The following RNF6 variants were observed in gnomAD, a reference collection of about 807,000 sequenced individuals.
RNF6 encodes ring finger protein 6, also known as E3 ubiquitin-protein ligase RNF6.
RNF6 carries 21 observed loss-of-function variants against 50.1 expected under a neutral mutation model. That is an observed-to-expected ratio of 0.42 (90% confidence interval 0.30 to 0.60). RNF6 has a LOEUF of 0.60. RNF6 is among the 20% of genes least tolerant of loss of function. The pLI is 0.20. For synonymous variants in RNF6, 255 were observed against 291.8 expected, an observed-to-expected ratio of 0.87 and a Z score of 1.29; for missense variants, 698 against 838.2, an observed-to-expected ratio of 0.83 and a Z score of 2.07.
chr13:26,218,351 T>C (rs1870107975), intron 4 of RNF6, among the ~76,000 whole-genome samples, 160 bp downstream of exon 4: 1 of 152,224 alleles, frequency 6.6e-6, no homozygotes, highest in Admixed American at 6.5e-5. Flanking sequence ...CCTATACTGC[T>C]TAACCATACT....
chr13:26,172,910 A>G (rs555082727), intron 5 of RNF6, among the ~76,000 whole-genome samples: 25 of 152,308 alleles, frequency 1.6e-4, no homozygotes, highest in African/African-American at 6.0e-4. Flanking sequence ...TACCCAGACT[A>G]TGTAAAAAAC....
At chr13:26,196,372 CG>C (rs1868663316) in intron 5 of RNF6, among the ~76,000 whole-genome samples, 1 of 152,022 alleles carries the variant, frequency 6.6e-6, no homozygotes, top group South Asian at 2.1e-4. Context: ...ATTTTCAGGC[CG>C]GGTGTGGTGG....
At chr13:26,171,840 C>T (rs941230963) in intron 5 of RNF6, among the ~76,000 whole-genome samples, 2 of 152,176 alleles carry the variant, frequency 1.3e-5, no homozygotes, top group Admixed American at 1.3e-4. Flanking sequence ...ATATGGAGTA[C>T]TTAGACTAGT....
At chr13:26,136,485 C>T (rs1419810491) in intron 5 of RNF6, among the ~76,000 whole-genome samples, 1 of 152,144 alleles carries the variant, frequency 6.6e-6, no homozygotes, top group Admixed American at 6.5e-5. Context: ...GGGATCAAGG[C>T]ACTGAATTAA....
chr13:26,211,152 G>T (rs1016308135), downstream of RNF6, among the ~76,000 whole-genome samples: 1 of 152,180 alleles, frequency 6.6e-6, no homozygotes, highest in East Asian at 1.9e-4. Context: ...ATTGGGAAAT[G>T]AATGAAAATA....
intron 3 of RNF6, 148 bp from the exon 4 acceptor site, chr13:26,218,754 T>C (rs1870161775): frequency 3.5e-6 from 2 of 575,252 alleles, no homozygotes; most frequent in Non-Finnish European, 6.1e-6. Flanking sequence ...GTTAAAAATA[T>C]TCAACTGGTA....
At chr13:26,191,015 T>C (rs4770950) in intron 5 of RNF6, among the ~76,000 whole-genome samples, 76,118 of 152,032 alleles carry the variant, frequency 0.5, 22,504 homozygotes, top group East Asian at 0.7. Context: ...ATCATCCAGC[T>C]CCAGTGTTCA....
chr13:26,142,107 A>G (rs1001390419), intron 5 of RNF6, among the ~76,000 whole-genome samples: 1 of 152,178 alleles, frequency 6.6e-6, no homozygotes, highest in South Asian at 2.1e-4. Flanking sequence ...ACAAAGAAGC[A>G]GTCACCAAAC....
intron 5 of RNF6, among the ~76,000 whole-genome samples, chr13:26,144,702 C>T (rs748553500): frequency 2.6e-5 from 4 of 152,176 alleles, no homozygotes; most frequent in Non-Finnish European, 4.4e-5. Context: ...CAGAACTATC[C>T]GTAAACTGTC....
chr13:26,193,353 G>A (rs1281313651), intron 5 of RNF6, among the ~76,000 whole-genome samples: 1 of 152,176 alleles, frequency 6.6e-6, no homozygotes, highest in Non-Finnish European at 1.5e-5. Context: ...CAGTAATACG[G>A]AAGGAAAGCC....
At chr13:26,201,635 C>T (rs779219531) in intron 5 of RNF6, among the ~76,000 whole-genome samples, 10 of 152,140 alleles carry the variant, frequency 6.6e-5, no homozygotes, top group Non-Finnish European at 1.2e-4. Flanking sequence ...AGAGGAATGG[C>T]TTATTTAAGC....
intron 5 of RNF6, among the ~76,000 whole-genome samples, chr13:26,165,187 A>G (rs1872389750): frequency 1.3e-5 from 2 of 152,208 alleles, no homozygotes; most frequent in Non-Finnish European, 2.9e-5. Context: ...AACTTGGGAC[A>G]TGGCTTCAGA....
chr13:26,148,801 T>C (rs1871402981), intron 5 of RNF6, among the ~76,000 whole-genome samples: 1 of 150,802 alleles, frequency 6.6e-6, no homozygotes, highest in African/African-American at 2.4e-5. Flanking sequence ...GTTGACAAGC[T>C]GGAAACTCAG....
chr13:26,213,846 G>A lies in RNF6; in HGVS notation c.2036C>T (p.Ser679Phe). 1.2e-6 allele frequency: 2 copies of A among 1,611,602 alleles called. No homozygotes were observed. The highest frequency in any genetic ancestry group is 1.7e-6 in the Non-Finnish European group (2 of 1,178,340). The change falls in exon 5 of 5, where the codon TCT (serine) becomes TTT (phenylalanine). Residue 679 changes from serine to phenylalanine, a missense_variant. Ser to Phe is a radical substitution (Grantham distance 155, BLOSUM62 -2). Coordinates refer to ENST00000381588, the MANE Select transcript of RNF6 (RefSeq NM_005977.4). ...CPICRQPVLGSNIANNG is the reference protein window; with the variant it reads ...CPICRQPVLGFNIANNG ...ACCTTACCCATTGTTTGCTATGTTAGACCCTAAAACAGGCTGCCGACAGAT... is the reference window on the plus strand; with the variant it reads ...ACCTTACCCATTGTTTGCTATGTTAAACCCTAAAACAGGCTGCCGACAGAT...
intron 5 of RNF6, among the ~76,000 whole-genome samples, chr13:26,150,063 T>TAC (rs1175670921): frequency 3.5e-5 from 5 of 144,686 alleles, no homozygotes; most frequent in Non-Finnish European, 6.1e-5. Flanking sequence ...TATATATATA[T>TAC]ACATATACAT....
intron 5 of RNF6, among the ~76,000 whole-genome samples, chr13:26,197,211 A>G (rs2137698187): frequency 6.6e-6 from 1 of 151,958 alleles, no homozygotes; most frequent in African/African-American, 2.4e-5. Flanking sequence ...TGCCTAGAAA[A>G]ACTCAAGGCT....
chr13:26,175,479 T>TGGAGA (rs1872911812), intron 5 of RNF6, among the ~76,000 whole-genome samples: 2 of 152,172 alleles, frequency 1.3e-5, no homozygotes. Context: ...TTGTCTCCTC[T>TGGAGA]CAGATGACCT....
chr13:26,163,134 C>A (rs191842891), intron 5 of RNF6, among the ~76,000 whole-genome samples: 1 of 151,794 alleles, frequency 6.6e-6, no homozygotes, highest in East Asian at 1.9e-4. Context: ...CACGGTGAAA[C>A]CCTGTCTCTC....
At chr13:26,170,547 A>G (rs1367395142) in intron 5 of RNF6, among the ~76,000 whole-genome samples, 2 of 152,330 alleles carry the variant, frequency 1.3e-5, no homozygotes, top group African/African-American at 2.4e-5. Flanking sequence ...GCTGCTGCTG[A>G]AAATAAATAA....
Sources: allele counts gnomAD v4.1 joint callset (sites outside exome capture counted in the v4.1 genomes callset), GRCh38; gene constraint gnomAD v4.1.1; transcripts MANE v1.5; gene names NCBI Gene and HGNC (gene_info 2026-07-23, HGNC 2026-07-21).